Variants in USP40 observed in about 807,000 individuals in gnomAD.
USP40 encodes the protein ubiquitin specific peptidase 40, also known as ubiquitin carboxyl-terminal hydrolase 40.
In USP40, 143 loss-of-function variants were observed where a neutral mutation model predicts 166.2. The ratio of observed to expected loss-of-function variants is 0.86; its 90% CI spans 0.75 to 0.99. The LOEUF (loss-of-function observed/expected upper bound fraction) is 0.99. Among genes scored for constraint, USP40 ranks in the 50% least tolerant of loss-of-function variants. The pLI is 0.00. For synonymous variants in USP40, 498 were observed against 524.0 expected (o/e 0.95, Z 0.68); for missense variants, 1,444 against 1,479.7 (o/e 0.98, Z 0.40).
intron 27 of USP40, 24 bp downstream of exon 27, chr2:233,489,341 T>C: frequency 1.3e-6 from 2 of 1,550,778 alleles, no homozygotes; most frequent in Middle Eastern, 1.8e-4. Flanking sequence ...AGAGGGACAG[T>C]GTTGCGTCCA....
chr2:233,538,702 G>A (rs1337071617), intron 10 of USP40, among the ~76,000 whole-genome samples: 1 of 152,100 alleles, frequency 6.6e-6, no homozygotes, highest in African/African-American at 2.4e-5. Flanking sequence ...TAGATTTCAA[G>A]GCAAGGGATA....
At chr2:233,546,024 T>C (rs1559274880) in intron 8 of USP40, 1 of 152,224 alleles carries the variant, frequency 6.6e-6, no homozygotes, top group African/African-American at 2.4e-5. Context: ...AATGGGATGC[T>C]TGATAGCCAT....
intron 20 of USP40, among the ~76,000 whole-genome samples, chr2:233,511,175 A>G (rs2066807789): frequency 6.6e-6 from 1 of 152,208 alleles, no homozygotes; most frequent in Admixed American, 6.5e-5. Flanking sequence ...GCAAAGGTCA[A>G]ACCTGATGGT....
At chr2:233,478,836 C>T (rs2064349827) in intron 31 of USP40, among the ~76,000 whole-genome samples, 1 of 152,212 alleles carries the variant, frequency 6.6e-6, no homozygotes, top group Non-Finnish European at 1.5e-5. Context: ...GAAAGCTTCT[C>T]TGCCCCTATA....
At chr2:233,561,103 T>A (rs2071554730) in intron 3 of USP40, 1 of 1,537,510 alleles carries the variant, frequency 6.5e-7, no homozygotes, top group Admixed American at 2.0e-5. Flanking sequence ...TAATTCCTTC[T>A]TTAAAAAAAA....
At position 233,553,657 on chromosome 2, in the gene USP40, T is replaced by G. The variant is rs530700297; in HGVS notation, c.693+723A>C. 3.9e-5 allele frequency among the ~76,000 whole-genome samples: 6 copies of G among 152,280 alleles called. No homozygotes were observed. In the South Asian group the frequency reaches 1.2e-3, roughly 32 times the overall value. ...AACAGTAGTTGCCTCTCATTTCTCC[T>G]CTTATCAAAGTATCTCTTCTTTCCT... On this transcript the variant is annotated intron_variant, in intron 6 of 31. Coordinates refer to ENST00000678225, the MANE Select transcript of USP40 (RefSeq NM_001365479.2).
At chr2:233,509,080 T>C (rs1026505149) in intron 21 of USP40, among the ~76,000 whole-genome samples, 1 of 152,162 alleles carries the variant, frequency 6.6e-6, no homozygotes, top group East Asian at 1.9e-4. Flanking sequence ...TTCCTGTTTG[T>C]AGAAAATGGT....
chr2:233,541,818 A>T (rs532353974), intron 9 of USP40, among the ~76,000 whole-genome samples: 1 of 152,250 alleles, frequency 6.6e-6, no homozygotes, highest in Non-Finnish European at 1.5e-5. Flanking sequence ...TCACATAGAC[A>T]TTAAAAGGAT....
Position 233,549,168 on chromosome 2 carries a change from C to T in USP40, c.899G>A (p.Gly300Asp). ...DLFSVIIHKG[G>D]CYGGHYHVYI... ...TACATGGTAATGGCCTCCGTAGCAGCCACCTTTGTGTATAATAACTGAGAA... is the reference window on the plus strand; with the variant it reads ...TACATGGTAATGGCCTCCGTAGCAGTCACCTTTGTGTATAATAACTGAGAA... The change falls in exon 8 of 32, where the codon GGC becomes GAC. Residue 300 changes from glycine (G) to aspartate (D), a missense_variant. Gly to Asp is a moderately conservative substitution (Grantham distance 94, BLOSUM62 -1). Transcript: ENST00000678225. 6.3e-7 allele frequency: 1 copy of T among 1,582,960 alleles called. No homozygotes were observed. The highest frequency in any genetic ancestry group is 8.6e-7 in the Non-Finnish European group (1 of 1,157,842).
At chr2:233,520,137 A>C (rs1394472085) in intron 17 of USP40, among the ~76,000 whole-genome samples, 4 of 152,158 alleles carry the variant, frequency 2.6e-5, no homozygotes, top group African/African-American at 9.6e-5. Context: ...AAATGACTTT[A>C]TTTTAGATTC....
intron 31 of USP40, among the ~76,000 whole-genome samples, chr2:233,479,340 T>A (rs879335552): frequency 1.3e-5 from 2 of 152,134 alleles, no homozygotes; most frequent in African/African-American, 2.4e-5. Context: ...CAAGGCGGGC[T>A]GATCACAAGG....
chr2:233,536,322 G>GTA (rs1162400508), intron 10 of USP40, among the ~76,000 whole-genome samples: 1 of 152,148 alleles, frequency 6.6e-6, no homozygotes, highest in African/African-American at 2.4e-5. Context: ...TATCTGAAAC[G>GTA]TATAGCTCAT....
chr2:233,513,571 T>C (rs775934980), intron 18 of USP40, among the ~76,000 whole-genome samples: 16 of 152,182 alleles, frequency 1.1e-4, no homozygotes, highest in Admixed American at 5.9e-4. Flanking sequence ...ATATACCATA[T>C]ACCATGGTTG....
At position 233,560,009 on chromosome 2, in the gene USP40, A is replaced by G. The variant is rs868785772; in HGVS notation, c.268-85T>C. The G allele has an allele frequency of 3.2e-5, 27 of 845,054 alleles. No individual in the cohort carries two copies. In the Middle Eastern group the frequency reaches 2.7e-3, roughly 85 times the overall value. The allele number at this position is 845,054 out of a possible 1,614,324, so 52.3% of individuals were successfully genotyped here. On this transcript the variant is annotated intron_variant, in intron 3 of 31. Coordinates refer to ENST00000678225, the MANE Select transcript of USP40 (RefSeq NM_001365479.2). ...AAAACAACTGCATACTAGCTTTTTT[A>G]TATCTCCCAGTTCATTCAGGAGAAA...
chr2:233,517,393 T>G (rs1404178926), intron 18 of USP40, among the ~76,000 whole-genome samples: 3 of 147,732 alleles, frequency 2.0e-5, no homozygotes, highest in East Asian at 1.9e-4. Flanking sequence ...TTTGTTTTTT[T>G]TTTTTTTTTG....
intron 26 of USP40, 88 bp from the exon 27 acceptor site, chr2:233,489,571 A>C (rs1167339266): frequency 2.0e-6 from 2 of 1,021,992 alleles, no homozygotes; most frequent in Non-Finnish European, 2.8e-6. Context: ...GAAGCACTAC[A>C]CAGTGGCATC....
At chr2:233,549,002 A>C in intron 8 of USP40, 99 bp downstream of exon 8, 1 of 1,206,252 alleles carries the variant, frequency 8.3e-7, no homozygotes, top group Non-Finnish European at 1.1e-6. Flanking sequence ...TTTTCTATAG[A>C]GTGGATATAT....
Position 233,521,122 on chromosome 2 carries a change from TA to T in USP40, c.2202-9del. On this transcript the variant is annotated splice_polypyrimidine_tract_variant and intron_variant, in intron 16 of 31. Transcript: ENST00000678225. The stretch of plus-strand genomic sequence containing the variant: ...TCTTCCTTGGTCAACAAGCTGTAGG[TA>T]AAAAGAAAAGATCAGAAATTAATAC... 1 of 1,606,000 alleles carries T rather than the reference TA, an allele frequency of 6.2e-7. No homozygotes were observed.
Position 233,511,716 on chromosome 2 carries a change from G to C in USP40, c.2519C>G (p.Ser840Trp), listed in dbSNP as rs762223651. Residue 840 changes from serine (S) to tryptophan (W), a missense_variant, in exon 20 of 32, where the codon TCG becomes TGG. Transcript: ENST00000678225. ...CAGGTGACCTTATTTTACCTGAGAC[G>C]AACTTGGTGCTTTTCCAAGACACAG... Reference protein sequence around the residue: ...LGLCLGKAPSSSQLFLFFAMG... With the variant: ...LGLCLGKAPSWSQLFLFFAMG... The C allele has an allele frequency of 1.2e-6, 2 of 1,609,958 alleles. No individual in the cohort carries two copies. The highest frequency in any genetic ancestry group is 1.7e-6 in the Non-Finnish European group (2 of 1,178,294).
Sources: gnomAD v4.1 joint callset for allele counts (sites outside exome capture counted in the v4.1 genomes callset) on GRCh38, gnomAD v4.1.1 for gene constraint, MANE v1.5 for transcripts, NCBI Gene and HGNC (gene_info 2026-07-23, HGNC 2026-07-21) for gene names.